RFX7: variants seen among roughly 807,000 people sequenced by gnomAD.
RFX7 encodes DNA-binding protein RFX7.
In RFX7, 26 loss-of-function variants were observed where a neutral mutation model predicts 111.8. The ratio of observed to expected loss-of-function variants is 0.23; its 90% CI spans 0.17 to 0.32. The LOEUF (loss-of-function observed/expected upper bound fraction) is 0.32. Ranked by LOEUF, RFX7 falls within the 10% of genes least tolerant of loss-of-function variation. The pLI, the probability that RFX7 is intolerant of heterozygous loss-of-function variation, is 1.00. For synonymous variants in RFX7, 624 were observed against 624.4 expected (o/e 1.00, Z 0.01); for missense variants, 1,573 against 1,772.9 (o/e 0.89, Z 2.02).
At chr15:56,124,290 C>T (rs957320976) in intron 5 of RFX7, among the ~76,000 whole-genome samples, 4 of 151,992 alleles carry the variant, frequency 2.6e-5, no homozygotes, top group Non-Finnish European at 5.9e-5. Flanking sequence ...GGCATGGTGA[C>T]GGGCACCTGT....
At position 56,098,135 on chromosome 15, in the gene RFX7, G is replaced by C; in HGVS notation, c.1053C>G (p.Ile351Met). 3 of 1,613,916 alleles carry C rather than the reference G, an allele frequency of 1.9e-6. No individual in the cohort carries two copies. Among genetic ancestry groups the C allele is most frequent in the African/African-American group, 1.3e-5 (1 of 75,050 alleles). The change falls in exon 9 of 10, where the codon ATC becomes ATG. Residue 351 changes from isoleucine to methionine, a missense_variant. By Grantham distance (10) the Ile-to-Met change is conservative (BLOSUM62 1). This residue lies in a region of RFX7 where 288 missense variants were observed against 337.9 expected (regional missense o/e 0.85). Transcript: ENST00000559447. ...VTNLPNGNPS[I>M]LSPQPIGIVV... The stretch of plus-strand genomic sequence containing the variant: ...CGATACCAATAGGTTGAGGAGAAAG[G>C]ATTGAAGGATTTCCATTAGGAAGAT...
rs556275105 is a variant in RFX7 at position 56,144,389 on chromosome 15, G to C, written c.278+12C>G. On this transcript the variant is annotated intron_variant, in intron 4 of 9. Transcript: ENST00000559447. ...AACAGCATAATTATAGCAAAGACAAGAATAGATATACCTTTTCTCTCCATT... is the reference window on the plus strand; with the variant it reads ...AACAGCATAATTATAGCAAAGACAACAATAGATATACCTTTTCTCTCCATT... 1 of 1,327,378 alleles carries C rather than the reference G, an allele frequency of 7.5e-7. No homozygotes were observed. Among genetic ancestry groups the C allele is most frequent in the East Asian group, 4.6e-5 (1 of 21,796 alleles). 82.2% of individuals were successfully genotyped at this position (1,327,378 alleles called of 1,614,324 possible). A position where few individuals can be genotyped will look rare whatever the true frequency, so the allele number is the denominator to read the frequency against.
intron 5 of RFX7, among the ~76,000 whole-genome samples, chr15:56,110,119 C>T (rs1477285574): frequency 1.5e-5 from 2 of 137,922 alleles, no homozygotes; most frequent in African/African-American, 2.8e-5. Context: ...CCCGGCCAGC[C>T]GCCCAGTCCG....
intron 5 of RFX7, among the ~76,000 whole-genome samples, chr15:56,113,483 ACAT>A (rs1186235254): frequency 6.6e-6 from 1 of 152,146 alleles, no homozygotes; most frequent in Non-Finnish European, 1.5e-5. Context: ...GGACCAACAC[ACAT>A]CATGGCCTGT....
Position 56,096,321 on chromosome 15 carries a change from A to G in RFX7, c.1407T>C (p.Ser469=). The change falls in exon 10 of 10, where the codon TCT becomes TCC. Residue 469 remains serine, a synonymous_variant. Transcript: ENST00000559447. ...TAVVPASHMS[S]LNVVKMTTIS... ...TTGTTGTCATTTTCACCACATTTAG[A>G]GAACTCATGTGTGAAGCGGGTACAA... is the stretch of plus-strand genomic sequence containing the variant. 1.2e-6 allele frequency: 2 copies of G among 1,613,968 alleles called. No homozygotes were observed. The highest frequency in any genetic ancestry group is 1.7e-6 in the Non-Finnish European group (2 of 1,179,874).
At chr15:56,181,879 CA>C (rs1233051069) in intron 2 of RFX7, among the ~76,000 whole-genome samples, 2 of 152,132 alleles carry the variant, frequency 1.3e-5, no homozygotes, top group Non-Finnish European at 2.9e-5. Context: ...AGGAGGTGAG[CA>C]ACCAAGCGCA....
chr15:56,153,718 T>A (rs2042609580), intron 3 of RFX7, among the ~76,000 whole-genome samples: 2 of 152,172 alleles, frequency 1.3e-5, no homozygotes, highest in Non-Finnish European at 2.9e-5. Flanking sequence ...AAGCATTCCC[T>A]TTGAAAACTG....
At chr15:56,242,889 C>T (rs892586792) in intron 2 of RFX7, among the ~76,000 whole-genome samples, 14 of 152,178 alleles carry the variant, frequency 9.2e-5, no homozygotes, top group African/African-American at 1.9e-4. Flanking sequence ...ACTTGTTTAT[C>T]TGCACTCACA....
At chr15:56,146,349 T>A (rs1239613723) in intron 3 of RFX7, among the ~76,000 whole-genome samples, 4 of 152,136 alleles carry the variant, frequency 2.6e-5, no homozygotes, top group African/African-American at 9.7e-5. Context: ...CAAGTGATCC[T>A]CCTGCCTCCC....
chr15:56,182,454 C>G (rs1335595523), intron 2 of RFX7, among the ~76,000 whole-genome samples: 1 of 152,032 alleles, frequency 6.6e-6, no homozygotes, highest in Non-Finnish European at 1.5e-5. Context: ...GCCTTATACC[C>G]CTCCCTACCT....
intron 2 of RFX7, among the ~76,000 whole-genome samples, 182 bp downstream of exon 2, chr15:56,242,943 G>A (rs1193017842): frequency 1.3e-5 from 2 of 152,160 alleles, no homozygotes; most frequent in African/African-American, 4.8e-5. Context: ...GAAGACAGGG[G>A]CTGATTGATG....
chr15:56,209,793 A>T (rs2043292047), intron 2 of RFX7, among the ~76,000 whole-genome samples: 1 of 151,882 alleles, frequency 6.6e-6, no homozygotes, highest in Non-Finnish European at 1.5e-5. Context: ...CTCTAGGGCA[A>T]ACACTAAAAA....
At chr15:56,227,987 G>A (rs1427190614) in intron 2 of RFX7, among the ~76,000 whole-genome samples, 4 of 152,024 alleles carry the variant, frequency 2.6e-5, no homozygotes, top group African/African-American at 9.7e-5. Flanking sequence ...AAAATTCTAG[G>A]TTGGCGGTTT....
At chr15:56,101,329 G>C (rs1042960556) in intron 8 of RFX7, 30 bp downstream of exon 8, 23 of 1,525,030 alleles carry the variant, frequency 1.5e-5, no homozygotes, top group Non-Finnish European at 2.1e-5. Context: ...ACCTCTGTCA[G>C]TTTTTAGCTT....
At chr15:56,231,132 T>C (rs185207659) in intron 2 of RFX7, among the ~76,000 whole-genome samples, 1 of 152,296 alleles carries the variant, frequency 6.6e-6, no homozygotes, top group East Asian at 1.9e-4. Flanking sequence ...TGCTGGTGAA[T>C]AGCAAGAAGG....
At chr15:56,178,860 G>A (rs1227924666) in intron 3 of RFX7, among the ~76,000 whole-genome samples, 1 of 151,998 alleles carries the variant, frequency 6.6e-6, no homozygotes, top group Non-Finnish European at 1.5e-5. Context: ...CTATTATTAT[G>A]GCTTAATTCC....
chr15:56,101,355 G>A lies in RFX7; in HGVS notation c.811+4C>T. 4.4e-6 allele frequency: 7 copies of A among 1,574,600 alleles called. No homozygotes were observed. The highest frequency in any genetic ancestry group is 6.0e-6 in the Non-Finnish European group (7 of 1,158,684). On this transcript the variant is annotated splice_donor_region_variant and intron_variant, in intron 8 of 9. Coordinates refer to ENST00000559447, the MANE Select transcript of RFX7 (RefSeq NM_022841.7). Reference sequence around the variant, plus strand: ...TTTTTAGCTTGTTCACAGTAATGTTGTACCTGCTGGTGCTGCTGCCATTAC... The same window carrying A: ...TTTTTAGCTTGTTCACAGTAATGTTATACCTGCTGGTGCTGCTGCCATTAC...
chr15:56,102,186 G>A lies in RFX7; in HGVS notation c.586C>T (p.His196Tyr). Residue 196 changes from histidine (H) to tyrosine (Y), a missense_variant, in exon 7 of 10, where the codon CAC (histidine) becomes TAC (tyrosine). Transcript: ENST00000559447. Reference protein sequence around the residue: ...HMPTLPNLDFHKTGDGLEGAE... With the variant: ...HMPTLPNLDFYKTGDGLEGAE... ...ATTCTTACCCCATCTCCAGTTTTGT[G>A]AAAGTCAAGGTTGGGCAGTGTTGGC... 1 of 1,611,666 alleles carries A rather than the reference G, an allele frequency of 6.2e-7. No homozygotes were observed. The highest frequency in any genetic ancestry group is 2.2e-5 in the East Asian group (1 of 44,828).
upstream of RFX7, chr15:56,244,386 G>C (rs1433819008): frequency 6.6e-6 from 1 of 152,182 alleles, no homozygotes; most frequent in Non-Finnish European, 1.5e-5. Context: ...GTCAGGAGCT[G>C]GGTTGAGTGC....
Sources: gnomAD v4.1 joint callset for allele counts (sites outside exome capture counted in the v4.1 genomes callset) on GRCh38, gnomAD v4.1.1 for gene constraint, gnomAD v4.1.1 regional missense constraint, MANE v1.5 for transcripts, NCBI Gene and HGNC (gene_info 2026-07-23, HGNC 2026-07-21) for gene names.